The following KAZN variants were observed in gnomAD, a reference collection of about 807,000 sequenced individuals.
KAZN encodes the protein kazrin.
In KAZN, 40 loss-of-function variants were observed where a neutral mutation model predicts 87.4. The ratio of observed to expected loss-of-function variants is 0.46; its 90% CI spans 0.36 to 0.60. KAZN has a LOEUF of 0.60. Among genes scored for constraint, KAZN ranks in the 20% least tolerant of loss-of-function variants. The pLI is 0.00. For missense variants in KAZN, 898 were observed against 1,073.9 expected, an observed-to-expected ratio of 0.84 and a Z score of 2.29; for synonymous variants, 466 against 458.3, an observed-to-expected ratio of 1.02 and a Z score of -0.22.
At chr1:14,689,235 AAAAC>A (rs1171565993) in intron 1 of KAZN, among the ~76,000 whole-genome samples, 2 of 148,930 alleles carry the variant, frequency 1.3e-5, no homozygotes. Flanking sequence ...AAAACAAAAC[AAAAC>A]AGAGTTGATT....
intron 8 of KAZN, among the ~76,000 whole-genome samples, chr1:15,068,534 C>T (rs1639364986): frequency 6.6e-6 from 1 of 152,188 alleles, no homozygotes; most frequent in South Asian, 2.1e-4. Context: ...TGTTACTTCC[C>T]GCAGACCTCC....
Position 14,029,735 on chromosome 1 carries a change from C to G in KAZN, c.91+135979C>G, listed in dbSNP as rs1641238245. ...AACACCATTTATTAAATAGGAAATC[C>G]TTTCCCCATTGCTTGTTTTTCTCAG... On this transcript the variant is annotated intron_variant, in intron 1 of 16. Transcript: ENST00000636203. Among the ~76,000 whole-genome samples the G allele has an allele frequency of 2.0e-5, 3 of 151,238 alleles. No homozygotes were observed. In the South Asian group the frequency reaches 6.3e-4, roughly 32 times the overall value.
intron 1 of KAZN, among the ~76,000 whole-genome samples, chr1:14,107,004 G>A (rs1379207756): frequency 1.5e-5 from 1 of 66,236 alleles, no homozygotes; most frequent in Non-Finnish European, 2.8e-5. Flanking sequence ...CTCCCTCCCT[G>A]TCTCCCTCCC....
chr1:14,795,263 T>C (rs546196612), intron 1 of KAZN, among the ~76,000 whole-genome samples: 4 of 152,136 alleles, frequency 2.6e-5, no homozygotes, highest in Non-Finnish European at 4.4e-5. Context: ...ACTAATACAA[T>C]GGGTGAAATG....
chr1:14,152,422 G>C (rs1322460027), intron 1 of KAZN, among the ~76,000 whole-genome samples: 1 of 152,138 alleles, frequency 6.6e-6, no homozygotes, highest in Non-Finnish European at 1.5e-5. Flanking sequence ...TTACAAATAA[G>C]TGAGAACATG....
intron 1 of KAZN, among the ~76,000 whole-genome samples, chr1:14,654,304 A>AAAG (rs1251094185): frequency 4.6e-5 from 7 of 152,044 alleles, no homozygotes; most frequent in African/African-American, 1.7e-4. Context: ...AAAAAAAAAA[A>AAAG]AAAATCTCCA....
Position 14,883,318 on chromosome 1 carries a change from A to AAGAAAGAG in KAZN, c.227-77363_227-77362insAAGAGAGA, listed in dbSNP as rs1266778797. ...CTCAAAAGAAAGAAAGAAAGAAAGA[A>AAGAAAGAG]AGAGAGAGAGAGAGAGAGAGAGAGA... On this transcript the variant is annotated intron_variant, in intron 1 of 14. Coordinates refer to ENST00000376030, the MANE Select transcript of KAZN (RefSeq NM_201628.3). Among the ~76,000 whole-genome samples the AAGAAAGAG allele has an allele frequency of 1.0e-4, 4 of 38,548 alleles. 1 individual carries two copies. The highest frequency in any genetic ancestry group is 3.6e-4 in the Admixed American group (1 of 2,744). The allele number at this position is 38,548 out of a possible 152,430, so 25.3% of individuals were successfully genotyped here. A position where few individuals can be genotyped will look rare whatever the true frequency, so the allele number is the denominator to read the frequency against.
At chr1:13,944,561 T>C (rs1360947716) in intron 1 of KAZN, among the ~76,000 whole-genome samples, 1 of 152,248 alleles carries the variant, frequency 6.6e-6, no homozygotes, top group East Asian at 1.9e-4. Context: ...TATGTAGAAT[T>C]AAAATACGTA....
intron 1 of KAZN, among the ~76,000 whole-genome samples, chr1:14,835,715 C>T (rs962994209): frequency 6.6e-6 from 1 of 152,068 alleles, no homozygotes; most frequent in Non-Finnish European, 1.5e-5. Context: ...GCTTCCAGGG[C>T]CCCTTTTGTC....
chr1:14,379,293 G>A (rs1202224993), intron 2 of KAZN, among the ~76,000 whole-genome samples: 1 of 151,838 alleles, frequency 6.6e-6, no homozygotes, highest in Admixed American at 6.6e-5. Flanking sequence ...CTGGCTTCAG[G>A]TGAGACTCAG....
At chr1:14,850,128 G>C (rs905801463) in intron 1 of KAZN, among the ~76,000 whole-genome samples, 1 of 151,986 alleles carries the variant, frequency 6.6e-6, no homozygotes, top group Non-Finnish European at 1.5e-5. Flanking sequence ...TAGAGACAGG[G>C]TTTCACCATG....
Position 13,952,570 on chromosome 1 carries a change from T to A in KAZN, c.91+58814T>A, listed in dbSNP as rs1035462368. ...CTCAGGGAGGAGTTGTGGTTACTTC[T>A]TGGGCCCTGTGCTGGTTCCTTTTAA... On this transcript the variant is annotated intron_variant, in intron 1 of 16. Transcript: ENST00000636203. Among the ~76,000 whole-genome samples, 11 of 152,168 alleles carry A rather than the reference T, an allele frequency of 7.2e-5. No individual in the cohort carries two copies. In the East Asian group the frequency reaches 2.1e-3, roughly 30 times the overall value.
At chr1:14,505,120 A>G (rs1179183705) in intron 2 of KAZN, among the ~76,000 whole-genome samples, 1 of 152,138 alleles carries the variant, frequency 6.6e-6, no homozygotes, top group African/African-American at 2.4e-5. Flanking sequence ...GGAAATGGCC[A>G]CCTCGAATAA....
intron 1 of KAZN, among the ~76,000 whole-genome samples, chr1:14,015,211 A>C (rs1299877423): frequency 1.3e-5 from 2 of 152,128 alleles, no homozygotes; most frequent in Non-Finnish European, 2.9e-5. Flanking sequence ...GTGTGCCAAT[A>C]GAGAAAAACG....
chr1:14,755,399 G>T (rs1644534177), intron 1 of KAZN, among the ~76,000 whole-genome samples: 1 of 152,108 alleles, frequency 6.6e-6, no homozygotes, highest in Non-Finnish European at 1.5e-5. Flanking sequence ...TCCTAACTCT[G>T]GTGGGGAAAT....
In KAZN at chr1:14,773,705, T is replaced by C. The variant is rs1049659997; in HGVS notation, c.226+174482T>C. 3.9e-5 allele frequency among the ~76,000 whole-genome samples: 6 copies of C among 152,180 alleles called. No individual in the cohort carries two copies. The highest frequency in any genetic ancestry group is 6.5e-5 in the Admixed American group (1 of 15,286). On this transcript the variant is annotated intron_variant, in intron 1 of 14. Coordinates refer to ENST00000376030, the MANE Select transcript of KAZN (RefSeq NM_201628.3). This position sits in a 1 kb window ranked among gnomAD's most constrained non-coding sequence, Gnocchi z 5.9. Reference sequence around the variant, plus strand: ...CTATGCAGCCGGTTACCCATTGGCGTCACTTAGCCTGGCAGTGCTGCTAAT... The same window carrying C: ...CTATGCAGCCGGTTACCCATTGGCGCCACTTAGCCTGGCAGTGCTGCTAAT...
chr1:15,038,209 G>A (rs1672530237), intron 3 of KAZN, among the ~76,000 whole-genome samples: 2 of 152,014 alleles, frequency 1.3e-5, no homozygotes, highest in Admixed American at 6.6e-5. Flanking sequence ...AGCCCAGATT[G>A]TGCCACTGCA....
chr1:14,002,244 GA>G (rs1454738081), intron 1 of KAZN, among the ~76,000 whole-genome samples: 1 of 152,172 alleles, frequency 6.6e-6, no homozygotes, highest in South Asian at 2.1e-4. Flanking sequence ...ACAAACATAT[GA>G]AAAAAAGCTC....
chr1:13,998,856 T>G (rs1639648323), intron 1 of KAZN, among the ~76,000 whole-genome samples: 1 of 152,174 alleles, frequency 6.6e-6, no homozygotes, highest in African/African-American at 2.4e-5. Flanking sequence ...CTGCTCTGGA[T>G]CAAGCAGACC....
Sources: gnomAD v4.1 joint callset for allele counts (sites outside exome capture counted in the v4.1 genomes callset) on GRCh38, gnomAD v4.1.1 for gene constraint, Gnocchi (gnomAD v3.1) non-coding constraint, MANE v1.5 for transcripts, NCBI Gene and HGNC (gene_info 2026-07-23, HGNC 2026-07-21) for gene names.